PEPD: variants seen among roughly 807,000 people sequenced by gnomAD.
The protein encoded by PEPD is xaa-Pro dipeptidase.
In PEPD, 53 loss-of-function variants were observed where a neutral mutation model predicts 60.7. The observed-to-expected ratio is 0.87, with a 90% CI of 0.70 to 1.10. PEPD has a LOEUF of 1.10. Among genes scored for constraint, PEPD ranks in the 50% least tolerant of loss-of-function variants. The pLI is 0.00. For missense variants in PEPD, 711 were observed against 711.9 expected (o/e 1.00, Z 0.01); for synonymous variants, 267 against 284.1 (o/e 0.94, Z 0.60).
chr19:33,454,218 G>A (rs1194635728), intron 9 of PEPD, among the ~76,000 whole-genome samples: 3 of 152,184 alleles, frequency 2.0e-5, no homozygotes, highest in Non-Finnish European at 4.4e-5. Context: ...AAACGAAAGA[G>A]CCCTCGATGC....
chr19:33,495,889 G>A (rs996202996), intron 4 of PEPD, among the ~76,000 whole-genome samples: 2 of 152,118 alleles, frequency 1.3e-5, no homozygotes, highest in Non-Finnish European at 2.9e-5. Flanking sequence ...GCTGAGGTAG[G>A]AGAACCGCTT....
chr19:33,393,423 C>T (rs1968279148), intron 12 of PEPD, among the ~76,000 whole-genome samples: 1 of 152,094 alleles, frequency 6.6e-6, no homozygotes, highest in Non-Finnish European at 1.5e-5. Flanking sequence ...CCTGGCTTTT[C>T]TGAGGGGCAC....
At chr19:33,408,831 G>A (rs987653538) in intron 11 of PEPD, among the ~76,000 whole-genome samples, 7 of 152,146 alleles carry the variant, frequency 4.6e-5, no homozygotes, top group Non-Finnish European at 1.0e-4. Context: ...TTTACCGAAC[G>A]CAGTAGGCGC....
intron 11 of PEPD, among the ~76,000 whole-genome samples, chr19:33,402,530 C>T (rs993808904): frequency 7.9e-5 from 12 of 152,226 alleles, no homozygotes; most frequent in African/African-American, 2.2e-4. Context: ...GTGCCCGACA[C>T]TACCCCTCTG....
rs745566733 is a variant in PEPD at position 33,401,702 on chromosome 19, C to G, written c.967+19G>C. The G allele has an allele frequency of 1.2e-6, 2 of 1,600,234 alleles. No homozygotes were observed. The highest frequency in any genetic ancestry group is 2.7e-5 in the African/African-American group (2 of 74,516). On this transcript the variant is annotated intron_variant, in intron 12 of 14. Coordinates refer to ENST00000244137, the MANE Select transcript of PEPD (RefSeq NM_000285.4). Reference sequence around the variant, plus strand: ...AACGCCACGTCAGATGCGCCTCCCCCCACCGACCCGCTGCTCACCTGGCTT... The same window carrying G: ...AACGCCACGTCAGATGCGCCTCCCCGCACCGACCCGCTGCTCACCTGGCTT...
chr19:33,493,861 C>T (rs1484464782), intron 4 of PEPD, among the ~76,000 whole-genome samples: 1 of 152,178 alleles, frequency 6.6e-6, no homozygotes, highest in Admixed American at 6.5e-5. Flanking sequence ...CACCATGACC[C>T]ACTTGGACCT....
At chr19:33,443,328 G>T (rs905525761) in intron 9 of PEPD, among the ~76,000 whole-genome samples, 2 of 152,172 alleles carry the variant, frequency 1.3e-5, no homozygotes, top group Non-Finnish European at 2.9e-5. Context: ...TGTAGGAGTT[G>T]GTGGACATTT....
chr19:33,497,668 G>C (rs34271491), intron 4 of PEPD, among the ~76,000 whole-genome samples: 9,058 of 152,304 alleles, frequency 0.059, 379 homozygotes, highest in Middle Eastern at 0.13. Context: ...ATGGGGCTGA[G>C]CACTGCAGAA....
At chr19:33,418,656 G>C (rs1295745731) in intron 9 of PEPD, among the ~76,000 whole-genome samples, 1 of 152,232 alleles carries the variant, frequency 6.6e-6, no homozygotes, top group East Asian at 1.9e-4. Flanking sequence ...CTCCCAGGCA[G>C]GTCCTGGCTC....
chr19:33,484,376 G>A (rs1211159697), intron 6 of PEPD, among the ~76,000 whole-genome samples: 4 of 152,232 alleles, frequency 2.6e-5, no homozygotes, highest in Middle Eastern at 3.4e-3. Flanking sequence ...GCATACACAC[G>A]TGCACATGCA....
In PEPD at chr19:33,503,053, G is replaced by A. The variant is rs146376404; in HGVS notation, c.330-2052C>T. 3.8e-3 allele frequency among the ~76,000 whole-genome samples: 573 copies of A among 152,042 alleles called. 2 individuals carry two copies. Among genetic ancestry groups the A allele is most frequent in the African/African-American group, 0.013 (544 of 41,476 alleles). On this transcript the variant is annotated intron_variant, in intron 3 of 14. Transcript: ENST00000244137. ...GGGACTTGGAGGTGATGAACTTCAC[G>A]AGTGAGCTCCTGAACTGGTGTCCTA...
chr19:33,519,347 T>C (rs1405288066), intron 1 of PEPD, among the ~76,000 whole-genome samples: 1 of 152,158 alleles, frequency 6.6e-6, no homozygotes, highest in African/African-American at 2.4e-5. Context: ...ACTCCCCAAA[T>C]CATATGGGGC....
At chr19:33,521,540 G>A (rs1469218925) in intron 1 of PEPD, among the ~76,000 whole-genome samples, 1 of 152,248 alleles carries the variant, frequency 6.6e-6, no homozygotes, top group Non-Finnish European at 1.5e-5. Context: ...AGCCAGGAGG[G>A]TGGAGAGGAG....
At chr19:33,503,430 T>C (rs1970746481) in intron 3 of PEPD, among the ~76,000 whole-genome samples, 1 of 152,208 alleles carries the variant, frequency 6.6e-6, no homozygotes, top group South Asian at 2.1e-4. Context: ...AAAAGTTAAA[T>C]GGCCAAGGTC....
intron 9 of PEPD, among the ~76,000 whole-genome samples, chr19:33,429,420 A>G (rs1463760778): frequency 6.6e-6 from 1 of 152,290 alleles, no homozygotes; most frequent in East Asian, 1.9e-4. Context: ...GCGGGGGCAG[A>G]AAAGCCAGAA....
At chr19:33,473,378 C>T (rs147689000) in intron 7 of PEPD, among the ~76,000 whole-genome samples, 1,682 of 152,184 alleles carry the variant, frequency 0.011, 25 homozygotes, top group South Asian at 0.07. Context: ...TCCTGGGACA[C>T]GTCTACCTGT....
rs558664857 is a variant in PEPD at position 33,394,610 on chromosome 19, G to A, written c.968-3131C>T. 2.6e-3 allele frequency among the ~76,000 whole-genome samples: 400 copies of A among 152,356 alleles called. 1 individual carries two copies. Among genetic ancestry groups the A allele is most frequent in the Non-Finnish European group, 4.4e-3 (302 of 68,018 alleles). ...CTGGGCGGGGGCCCCTGGAGTGTGT[G>A]AGGGTCACTGTCCTTGCACTAGGCT... is the stretch of plus-strand genomic sequence containing the variant. On this transcript the variant is annotated intron_variant, in intron 12 of 14. Transcript: ENST00000244137.
chr19:33,388,186 TCTTG>T lies in PEPD; in HGVS notation c.1153-109_1153-106del, dbSNP rs777262500. 62 of 968,996 alleles carry T rather than the reference TCTTG, an allele frequency of 6.4e-5. No individual in the cohort carries two copies. The Middle Eastern group carries it at 2.5e-3, about 38-fold the overall frequency. The allele number at this position is 968,996 out of a possible 1,614,324, so 60.0% of individuals were successfully genotyped here. A position where few individuals can be genotyped will look rare whatever the true frequency, so the allele number is the denominator to read the frequency against. On this transcript the variant is annotated intron_variant, in intron 13 of 14. Transcript: ENST00000244137. ...GGGCCGGTGCCAGTCTCGTGGGCTC[TCTTG>T]ACCATTGGGGTCCTCAGCCTAGACT...
At chr19:33,434,313 G>GGCT (rs1428704350) in intron 9 of PEPD, among the ~76,000 whole-genome samples, 1 of 152,164 alleles carries the variant, frequency 6.6e-6, no homozygotes, top group East Asian at 1.9e-4. Context: ...CGGTGCACAT[G>GGCT]GGGCAGGCAA....
Sources: allele counts gnomAD v4.1 joint callset (sites outside exome capture counted in the v4.1 genomes callset), GRCh38; gene constraint gnomAD v4.1.1; transcripts MANE v1.5; gene names NCBI Gene and HGNC (gene_info 2026-07-23, HGNC 2026-07-21).